Variants in WSCD2 observed in about 807,000 individuals in gnomAD.
WSCD2 encodes the protein sialate:O-sulfotransferase 2.
A neutral mutation model predicts 55.7 loss-of-function variants in WSCD2; 28 were observed. The ratio of observed to expected loss-of-function variants is 0.50; its 90% CI spans 0.37 to 0.69. WSCD2 has a LOEUF of 0.69. Among genes scored for constraint, WSCD2 ranks in the 30% least tolerant of loss-of-function variants. The probability of loss-of-function intolerance (pLI) is 0.00; values close to 1 mark genes in which losing one functional copy is unlikely to be tolerated. For synonymous variants in WSCD2, 301 were observed against 301.9 expected, an observed-to-expected ratio of 1.00 and a Z score of 0.03; for missense variants, 616 against 762.1, an observed-to-expected ratio of 0.81 and a Z score of 2.26.
chr12:108,161,361 A>T (rs1039400178), intron 1 of WSCD2, among the ~76,000 whole-genome samples: 1 of 152,224 alleles, frequency 6.6e-6, no homozygotes, highest in Non-Finnish European at 1.5e-5. Flanking sequence ...ATGAAGTCAT[A>T]GTGGAGTAGA....
At chr12:108,153,434 G>A (rs1031298993) in intron 1 of WSCD2, among the ~76,000 whole-genome samples, 1 of 152,188 alleles carries the variant, frequency 6.6e-6, no homozygotes, top group Admixed American at 6.5e-5. Context: ...CCTAACCTTG[G>A]AAGAGTGATG....
intron 7 of WSCD2, 49 bp from the exon 8 acceptor site, chr12:108,240,295 T>C: frequency 6.2e-7 from 1 of 1,604,848 alleles, no homozygotes. Context: ...GGTGGGCTTC[T>C]TGCTTCCCCA....
At chr12:108,243,460 A>G (rs891263307) in intron 8 of WSCD2, among the ~76,000 whole-genome samples, 15 of 152,142 alleles carry the variant, frequency 9.9e-5, no homozygotes, top group African/African-American at 3.4e-4. Context: ...GATGGTCTCA[A>G]TCTGACCTCG....
chr12:108,223,225 A>G (rs1887720805), intron 4 of WSCD2, among the ~76,000 whole-genome samples: 1 of 152,250 alleles, frequency 6.6e-6, no homozygotes, highest in African/African-American at 2.4e-5. Flanking sequence ...TCACCAAACA[A>G]CTGGGCACCA....
At chr12:108,161,179 A>G (rs1451361940) in intron 1 of WSCD2, among the ~76,000 whole-genome samples, 1 of 152,162 alleles carries the variant, frequency 6.6e-6, no homozygotes, top group African/African-American at 2.4e-5. Flanking sequence ...ATTGATTCCA[A>G]TTTACCTTGC....
chr12:108,207,057 G>A (rs534138511), intron 3 of WSCD2, among the ~76,000 whole-genome samples: 2 of 152,210 alleles, frequency 1.3e-5, no homozygotes, highest in Admixed American at 6.5e-5. Flanking sequence ...AGAAGACAAC[G>A]ATGATTTTTA....
intron 7 of WSCD2, among the ~76,000 whole-genome samples, chr12:108,235,170 T>C (rs766258923): frequency 1.5e-4 from 23 of 152,190 alleles, no homozygotes; most frequent in Non-Finnish European, 2.4e-4. Context: ...TCCTAATCTA[T>C]AATACAGGAA....
Position 108,248,407 on chromosome 12 carries a change from C to A in WSCD2, c.*64C>A, listed in dbSNP as rs933859534. On this transcript the variant is annotated 3_prime_UTR_variant, in exon 9 of 9. Coordinates refer to ENST00000547525, the MANE Select transcript of WSCD2 (RefSeq NM_014653.4). The surrounding 1 kb of genome is among the most constrained non-coding windows in gnomAD (Gnocchi z 4.3). ...CCACGCAGGCCCTGGGGACTCAAGA[C>A]CCCTGGTTACCCCCACTCATCTGTC... The A allele has an allele frequency of 3.9e-6, 6 of 1,535,546 alleles. No individual in the cohort carries two copies. In the African/African-American group the frequency reaches 5.5e-5, roughly 14 times the overall value.
In WSCD2 at chr12:108,247,617, A is replaced by G. The variant is rs776409990; in HGVS notation, c.1346-374A>G. ...GTCACCCAGGCTGAAGTGCAGTGGC[A>G]TCATCATAGCTCACTGCAGCCTCGA... On this transcript the variant is annotated intron_variant, in intron 8 of 8. Coordinates refer to ENST00000547525, the MANE Select transcript of WSCD2 (RefSeq NM_014653.4). Among the ~76,000 whole-genome samples the G allele has an allele frequency of 4.6e-5, 7 of 152,230 alleles. No homozygotes were observed. In the South Asian group the frequency reaches 6.2e-4, roughly 14 times the overall value.
chr12:108,219,066 C>A (rs975732337), intron 4 of WSCD2, among the ~76,000 whole-genome samples: 3 of 152,188 alleles, frequency 2.0e-5, no homozygotes, highest in Non-Finnish European at 2.9e-5. Flanking sequence ...GAGGGACTGG[C>A]TGAAGCCCAG....
chr12:108,247,891 G>T lies in WSCD2; in HGVS notation c.1346-100G>T. On this transcript the variant is annotated intron_variant, in intron 8 of 8. Transcript: ENST00000547525. ...ACAGTTAATTGTTAATTGTGTTACC[G>T]TGTTGTGCTGTGAATAATGGTAACC... The T allele has an allele frequency of 8.8e-6, 11 of 1,255,324 alleles. No individual in the cohort carries two copies. The South Asian group carries it at 1.1e-4, about 13-fold the overall frequency. 77.8% of individuals were successfully genotyped at this position (1,255,324 alleles called of 1,614,324 possible).
intron 1 of WSCD2, among the ~76,000 whole-genome samples, chr12:108,160,564 G>C (rs963910360): frequency 4.6e-5 from 7 of 152,084 alleles, no homozygotes; most frequent in African/African-American, 1.2e-4. Flanking sequence ...ACAGCAACCA[G>C]ATCTTATGAG....
At chr12:108,234,567 A>T (rs1397966571) in intron 7 of WSCD2, among the ~76,000 whole-genome samples, 1 of 152,254 alleles carries the variant, frequency 6.6e-6, no homozygotes, top group Non-Finnish European at 1.5e-5. Context: ...TGCTTATATC[A>T]GGATTTGAAC....
chr12:108,163,189 G>GAAAATACA (rs1160001706), intron 1 of WSCD2, among the ~76,000 whole-genome samples: 62 of 152,096 alleles, frequency 4.1e-4, no homozygotes, highest in Non-Finnish European at 6.3e-4. Flanking sequence ...CTAGCATGGT[G>GAAAATACA]AAATCCCGTC....
intron 1 of WSCD2, among the ~76,000 whole-genome samples, chr12:108,166,787 T>TTCTTTCTTTCTTTCTTTCTG (rs1180713499): frequency 1.7e-4 from 25 of 146,240 alleles, no homozygotes; most frequent in African/African-American, 6.1e-4. Context: ...CTTTCTTTCT[T>TTCTTTCTTTCTTTCTTTCTG]TCTGTCTTTC....
chr12:108,141,338 C>T (rs182558452), intron 1 of WSCD2, among the ~76,000 whole-genome samples: 8 of 152,276 alleles, frequency 5.3e-5, no homozygotes, highest in African/African-American at 1.7e-4. Flanking sequence ...TGGACTCAAG[C>T]GATGCTCCTG....
At chr12:108,222,957 C>T (rs925129731) in intron 4 of WSCD2, among the ~76,000 whole-genome samples, 2 of 152,190 alleles carry the variant, frequency 1.3e-5, no homozygotes, top group Admixed American at 6.5e-5. Context: ...AATTGGCTTA[C>T]GCAATTGCGG....
intron 1 of WSCD2, among the ~76,000 whole-genome samples, chr12:108,145,698 CTG>C (rs1033459210): frequency 1.3e-5 from 2 of 152,120 alleles, no homozygotes; most frequent in African/African-American, 4.8e-5. Flanking sequence ...ATACTCATAA[CTG>C]TGAAAAACAG....
intron 1 of WSCD2, among the ~76,000 whole-genome samples, chr12:108,133,581 T>A (rs1418318067): frequency 6.6e-6 from 1 of 152,178 alleles, no homozygotes; most frequent in Non-Finnish European, 1.5e-5. Context: ...ACATTTAAGA[T>A]CACTCTTCTC....
Sources: allele counts gnomAD v4.1 joint callset (sites outside exome capture counted in the v4.1 genomes callset), GRCh38; gene constraint gnomAD v4.1.1; non-coding constraint Gnocchi (gnomAD v3.1); transcripts MANE v1.5; gene names NCBI Gene and HGNC (gene_info 2026-07-23, HGNC 2026-07-21).